The following KIF26A variants were observed in gnomAD, a reference collection of about 807,000 sequenced individuals.
KIF26A encodes kinesin family member 26A, also known as kinesin-like protein KIF26A.
In KIF26A, 74 loss-of-function variants were observed where a neutral mutation model predicts 126.0. The ratio of observed to expected loss-of-function variants is 0.59; its 90% CI spans 0.49 to 0.71. KIF26A has a LOEUF of 0.71. Ranked by LOEUF, KIF26A falls within the 30% of genes least tolerant of loss-of-function variation. KIF26A has a pLI of 0.00. For synonymous variants in KIF26A, 1,445 were observed against 1,232.7 expected, an observed-to-expected ratio of 1.17 and a Z score of -3.61; for missense variants, 2,984 against 2,763.3, an observed-to-expected ratio of 1.08 and a Z score of -1.79.
chr14:104,144,515 G>A (rs10142824), intron 2 of KIF26A, among the ~76,000 whole-genome samples: 2,235 of 152,268 alleles, frequency 0.015, 64 homozygotes, highest in African/African-American at 0.051. Context: ...TAAGGGAATG[G>A]GACTGGGGCC....
chr14:104,178,955 C>G (rs2038068773), intron 13 of KIF26A, among the ~76,000 whole-genome samples, 200 bp downstream of exon 13: 1 of 152,158 alleles, frequency 6.6e-6, no homozygotes, highest in South Asian at 2.1e-4. Context: ...AGCTCCGACA[C>G]TCCCCTTGGG....
In KIF26A at chr14:104,179,749, G is replaced by T; in HGVS notation, c.5608G>T (p.Ala1870Ser). 6.4e-7 allele frequency: 1 copy of T among 1,553,160 alleles called. No homozygotes were observed. Among genetic ancestry groups the T allele is most frequent in the East Asian group, 2.4e-5 (1 of 41,750 alleles). ...MVTCFDISVA[A>S]SAAIPGPQEV... is the part of the protein sequence containing the mutation. ...CACCTGCTTCGACATCAGCGTTGCA[G>T]CCAGTGCTGCCATCCCGGGGCCGCA... Residue 1870 changes from alanine (A) to serine (S), a missense_variant, in exon 15 of 15, where the codon GCC (alanine) becomes TCC (serine). Ala to Ser is a moderately conservative substitution (Grantham distance 99). Coordinates refer to ENST00000423312, the MANE Select transcript of KIF26A (RefSeq NM_015656.2).
rs1204106004 is a variant in KIF26A at position 104,171,779 on chromosome 14, C to T, written c.1170C>T (p.Ala390=). 6.3e-7 allele frequency: 1 copy of T among 1,578,042 alleles called. No homozygotes were observed. ...PAQGAQRSAE[A]MSFLKVDPRK... ...AGGGGGCCCAGCGCTCGGCCGAGGC[C>T]ATGTCCTTCCTGAAGGTGGACCCTC... The change falls in exon 6 of 15, where the codon GCC becomes GCT. Residue 390 remains alanine (A), a synonymous_variant. Coordinates refer to ENST00000423312, the MANE Select transcript of KIF26A (RefSeq NM_015656.2).
chr14:104,179,414 C>G, intron 14 of KIF26A, 28 bp downstream of exon 14: 2 of 1,472,368 alleles, frequency 1.4e-6, no homozygotes, highest in Non-Finnish European at 1.8e-6. Flanking sequence ...ACGGACCCAG[C>G]CCGGCCCACC....
At chr14:104,170,660 C>G (rs559068204) in intron 5 of KIF26A, among the ~76,000 whole-genome samples, 46 of 152,360 alleles carry the variant, frequency 3.0e-4, no homozygotes, top group South Asian at 1.9e-3. Context: ...GCGTTGGAGC[C>G]CTGGTTCAGG....
At chr14:104,157,281 G>A (rs942037579) in intron 3 of KIF26A, among the ~76,000 whole-genome samples, 28 of 152,320 alleles carry the variant, frequency 1.8e-4, no homozygotes, top group East Asian at 5.8e-4. Context: ...ATCACCGTAC[G>A]TGGGGCAATT....
At chr14:104,158,800 G>C (rs774809666) in intron 4 of KIF26A, among the ~76,000 whole-genome samples, 4 of 152,198 alleles carry the variant, frequency 2.6e-5, no homozygotes, top group African/African-American at 7.2e-5. Flanking sequence ...GGCCCTTCCC[G>C]GCAGGGCCTT....
chr14:104,176,007 C>T lies in KIF26A; in HGVS notation c.3219C>T (p.Val1073=), dbSNP rs910759424. Residue 1073 remains valine, a synonymous_variant, in exon 12 of 15, where the codon GTC becomes GTT. Coordinates refer to ENST00000423312, the MANE Select transcript of KIF26A (RefSeq NM_015656.2). ...CCCTGGCCTCGGGGTCCCGGCCAGT[C>T]AGCATCATCAGCAGCATCAATGATG... ...LRALASGSRP[V]SIISSINDEF... 3.2e-6 allele frequency: 5 copies of T among 1,587,144 alleles called. No homozygotes were observed. The highest frequency in any genetic ancestry group is 4.3e-6 in the Non-Finnish European group (5 of 1,172,866).
At chr14:104,168,215 C>G (rs1398411355) in intron 5 of KIF26A, among the ~76,000 whole-genome samples, 1 of 152,204 alleles carries the variant, frequency 6.6e-6, no homozygotes, top group East Asian at 1.9e-4. Flanking sequence ...GGGTTTGGAA[C>G]ATGCTGGCTA....
At chr14:104,170,831 C>T (rs973655242) in intron 5 of KIF26A, among the ~76,000 whole-genome samples, 1 of 152,260 alleles carries the variant, frequency 6.6e-6, no homozygotes, top group African/African-American at 2.4e-5. Context: ...CCCTCCCCGG[C>T]GTCTGCCCCC....
At position 104,180,115 on chromosome 14, in the gene KIF26A, C is replaced by T. The variant is rs891624473; in HGVS notation, c.*325C>T. 3.3e-5 allele frequency: 9 copies of T among 274,698 alleles called. No individual in the cohort carries two copies. Among genetic ancestry groups the T allele is most frequent in the African/African-American group, 1.3e-4 (6 of 45,558 alleles). 17.0% of individuals were successfully genotyped at this position (274,698 alleles called of 1,614,324 possible). ...AGTTGTGTTCAGCCCGGCCCCGCTG[C>T]GCCTGTCCGGGCCGGGGCTGGCGCC... On this transcript the variant is annotated 3_prime_UTR_variant, in exon 15 of 15. Coordinates refer to ENST00000423312, the MANE Select transcript of KIF26A (RefSeq NM_015656.2).
In KIF26A at chr14:104,157,970, T is replaced by C. The variant is rs1274260840; in HGVS notation, c.923+28T>C. The C allele has an allele frequency of 7.5e-6, 11 of 1,470,194 alleles. No individual in the cohort carries two copies. The South Asian group carries it at 9.9e-5, about 13-fold the overall frequency. 91.1% of individuals were successfully genotyped at this position (1,470,194 alleles called of 1,614,324 possible). ...ATGTCCTGGGGCTTCCTGGGCAGCC[T>C]TGTGGGCAGGGCCCCATGGCCCCGG... On this transcript the variant is annotated intron_variant, in intron 4 of 14. Transcript: ENST00000423312.
At position 104,152,428 on chromosome 14, in the gene KIF26A, G is replaced by C; in HGVS notation, c.702G>C (p.Ser234=). Residue 234 remains serine (S), a synonymous_variant, in exon 3 of 15, where the codon TCG becomes TCC. Transcript: ENST00000423312. The surrounding 1 kb of genome is among the most constrained non-coding windows in gnomAD (Gnocchi z 5.9). The stretch of plus-strand genomic sequence containing the variant: ...GCCTGGAGGGCATGTGGAGTGTCTC[G>C]CGGGTCAACAGCTTCCTCCCGCCGG... ...QQCLEGMWSV[S]RVNSFLPPAC... is the part of the protein sequence containing the mutation. 1 of 1,593,072 alleles carries C rather than the reference G, an allele frequency of 6.3e-7. No individual in the cohort carries two copies. The highest frequency in any genetic ancestry group is 8.5e-7 in the Non-Finnish European group (1 of 1,171,220).
At chr14:104,174,344 G>T in intron 11 of KIF26A, 34 bp downstream of exon 11, 1 of 1,484,496 alleles carries the variant, frequency 6.7e-7, no homozygotes. Context: ...CCATCTCGGG[G>T]CCGTCTCGGC....
rs754835811 is a variant in KIF26A, at chr14:104,179,350, C to A, written c.5431C>A (p.Arg1811=). The stretch of plus-strand genomic sequence containing the variant: ...TGAGGAGCTGGCCGAGACCCAGGGC[C>A]GGCTGATGCTGGAGCCTGGCCGCTG... The part of the protein sequence containing the change: ...LCEELAETQG[R]LMLEPGRWLE... The change falls in exon 14 of 15, where the codon CGG becomes AGG. Residue 1811 remains arginine, a synonymous_variant. Coordinates refer to ENST00000423312, the MANE Select transcript of KIF26A (RefSeq NM_015656.2). 6.5e-7 allele frequency: 1 copy of A among 1,538,496 alleles called. No individual in the cohort carries two copies. The highest frequency in any genetic ancestry group is 1.4e-5 in the African/African-American group (1 of 72,988).
rs140621817 is a variant in KIF26A, at chr14:104,153,876, C to T, written c.735+1415C>T. On this transcript the variant is annotated intron_variant, in intron 3 of 14. Transcript: ENST00000423312. ...CCCAGCGGGTGGGGGTGGAGAAGATCGCAGGCCCCTTGCTGGGCAGCCCTG... is the reference window on the plus strand; with the variant it reads ...CCCAGCGGGTGGGGGTGGAGAAGATTGCAGGCCCCTTGCTGGGCAGCCCTG... Among the ~76,000 whole-genome samples the T allele has an allele frequency of 5.6e-4, 86 of 152,296 alleles. 1 individual carries two copies. In the East Asian group the frequency reaches 0.015, roughly 27 times the overall value.
chr14:104,179,191 G>T, intron 13 of KIF26A, 45 bp from the exon 14 acceptor site: 1 of 1,421,164 alleles, frequency 7.0e-7, no homozygotes, highest in Non-Finnish European at 9.2e-7. Flanking sequence ...GGGGTCTCTG[G>T]GGAGAGGGTC....
Position 104,177,570 on chromosome 14 carries a change from C to T in KIF26A, c.4782C>T (p.Ser1594=), listed in dbSNP as rs751276601. ...GSADSDSGHD[S]GVNVGEERPP... Reference sequence around the variant, plus strand: ...CGGACTCAGACAGCGGCCATGACAGCGGCGTGAACGTGGGGGAGGAGCGGC... The same window carrying T: ...CGGACTCAGACAGCGGCCATGACAGTGGCGTGAACGTGGGGGAGGAGCGGC... The change falls in exon 12 of 15, where the codon AGC becomes AGT. Residue 1594 remains serine (S), a synonymous_variant. Coordinates refer to ENST00000423312, the MANE Select transcript of KIF26A (RefSeq NM_015656.2). 5.9e-5 allele frequency: 90 copies of T among 1,535,936 alleles called. No individual in the cohort carries two copies. The highest frequency in any genetic ancestry group is 2.2e-4 in the East Asian group (9 of 40,878).
chr14:104,167,545 G>C (rs1419451768), intron 5 of KIF26A, among the ~76,000 whole-genome samples: 2 of 152,146 alleles, frequency 1.3e-5, no homozygotes, highest in African/African-American at 4.8e-5. Flanking sequence ...AGGGCACAGG[G>C]CCTCCATCAG....
Sources: gnomAD v4.1 joint callset for allele counts (sites outside exome capture counted in the v4.1 genomes callset) on GRCh38, gnomAD v4.1.1 for gene constraint, Gnocchi (gnomAD v3.1) non-coding constraint, MANE v1.5 for transcripts, NCBI Gene and HGNC (gene_info 2026-07-23, HGNC 2026-07-21) for gene names.